GSN: variants seen among roughly 807,000 people sequenced by gnomAD.
The protein encoded by GSN is gelsolin.
A neutral mutation model predicts 85.7 loss-of-function variants in GSN; 56 were observed. The ratio of observed to expected loss-of-function variants is 0.65; its 90% confidence interval spans 0.53 to 0.82. GSN has a LOEUF of 0.82. Ranked by LOEUF, GSN falls within the 40% of genes least tolerant of loss-of-function variation. GSN has a pLI of 0.00. For synonymous variants in GSN, 373 were observed against 399.1 expected, an observed-to-expected ratio of 0.93 and a Z score of 0.78; for missense variants, 857 against 979.8, an observed-to-expected ratio of 0.87 and a Z score of 1.67.
At chr9:121,258,725 GT>G (rs34130574) in intron 6 of GSN, among the ~76,000 whole-genome samples, 5,979 of 147,342 alleles carry the variant, frequency 0.041, 399 homozygotes, top group African/African-American at 0.14. Context: ...TCTATTACAA[GT>G]TTTTTTTTTT....
At chr9:121,295,087 G>A (rs1041851292) in intron 2 of GSN, among the ~76,000 whole-genome samples, 1 of 152,172 alleles carries the variant, frequency 6.6e-6, no homozygotes, top group Non-Finnish European at 1.5e-5. Context: ...CCGAAGGCAG[G>A]CGTCTGTGCA....
At chr9:121,312,673 G>C (rs2061305966) in intron 6 of GSN, 185 bp downstream of exon 6, 1 of 549,462 alleles carries the variant, frequency 1.8e-6, no homozygotes, top group African/African-American at 1.9e-5. Context: ...TGTTGCCTGA[G>C]CTGGAGTGCA....
chr9:121,319,982 T>G (rs1347176762), intron 10 of GSN, among the ~76,000 whole-genome samples: 1 of 152,184 alleles, frequency 6.6e-6, no homozygotes, highest in Non-Finnish European at 1.5e-5. Flanking sequence ...CTAGCATTCA[T>G]TTGTTGCTTC....
chr9:121,294,501 C>G (rs1487836321), intron 2 of GSN, among the ~76,000 whole-genome samples: 1 of 152,184 alleles, frequency 6.6e-6, no homozygotes, highest in African/African-American at 2.4e-5. Flanking sequence ...CCAGGCCCCT[C>G]CAGATGTCCA....
Position 121,332,517 on chromosome 9 carries a change from T to A in GSN, c.2110T>A (p.Ser704Thr), listed in dbSNP as rs1343937772. 6.2e-7 allele frequency: 1 copy of A among 1,614,040 alleles called. No individual in the cohort carries two copies. The highest frequency in any genetic ancestry group is 8.5e-7 in the Non-Finnish European group (1 of 1,179,936). ...GGTGAAGCAAGGCTTTGAGCCTCCC[T>A]CCTTTGTGGGCTGGTTCCTTGGCTG... ...TVVKQGFEPP[S>T]FVGWFLGWDD... The change falls in exon 18 of 18, where the codon TCC becomes ACC. Residue 704 changes from serine to threonine, a missense_variant. By Grantham distance (58) the Ser-to-Thr change is moderately conservative. Transcript: ENST00000432226. This position sits in a 1 kb window ranked among gnomAD's most constrained non-coding sequence, Gnocchi z 4.8.
intron 2 of GSN, chr9:121,282,321 T>G (rs1041279470): frequency 1.8e-6 from 1 of 569,664 alleles, no homozygotes; most frequent in African/African-American, 1.9e-5. Flanking sequence ...GAAGGATCAC[T>G]ACTAGGGGGA....
chr9:121,277,766 C>T (rs1011090569), intron 1 of GSN, among the ~76,000 whole-genome samples: 3 of 152,142 alleles, frequency 2.0e-5, no homozygotes, highest in African/African-American at 7.2e-5. Flanking sequence ...TTGATCAACC[C>T]TTTCACCAGA....
intron 2 of GSN, among the ~76,000 whole-genome samples, chr9:121,286,416 C>G (rs1364160442): frequency 3.3e-5 from 5 of 152,262 alleles, no homozygotes; most frequent in Non-Finnish European, 7.3e-5. Context: ...TATCCACTGT[C>G]TCAACCCCAG....
upstream of GSN, among the ~76,000 whole-genome samples, chr9:121,264,046 G>C (rs2055145934): frequency 6.6e-6 from 1 of 152,080 alleles, no homozygotes; most frequent in Non-Finnish European, 1.5e-5. Context: ...TGAGATTTGG[G>C]TGGGAACACA....
intron 2 of GSN, chr9:121,209,546 G>T (rs542631585): frequency 6.6e-6 from 1 of 152,336 alleles, no homozygotes; most frequent in South Asian, 2.1e-4. Context: ...TTGGATTTCA[G>T]TCCCAGCCTT....
At chr9:121,227,665 A>G (rs1410459266) in intron 4 of GSN, among the ~76,000 whole-genome samples, 1 of 152,204 alleles carries the variant, frequency 6.6e-6, no homozygotes, top group Non-Finnish European at 1.5e-5. Context: ...GACACCTAGC[A>G]GATGTCCCCT....
chr9:121,301,809 G>A, intron 2 of GSN, 154 bp from the exon 3 acceptor site: 1 of 1,170,336 alleles, frequency 8.5e-7, no homozygotes, highest in Admixed American at 2.0e-5. Flanking sequence ...CGTTGAGACA[G>A]GGTGCCCAGA....
intron 6 of GSN, among the ~76,000 whole-genome samples, chr9:121,257,257 A>C (rs1174561938): frequency 1.3e-5 from 2 of 152,236 alleles, no homozygotes; most frequent in Non-Finnish European, 2.9e-5. Context: ...AGTAGCTATA[A>C]TTTATTAAGA....
In GSN at chr9:121,234,399, C is replaced by T. The variant is rs79883709; in HGVS notation, c.-389+3096C>T. On this transcript the variant is annotated intron_variant, in intron 5 of 24. Transcript: ENST00000373823. The stretch of plus-strand genomic sequence containing the variant: ...CATATGGGATGCTGACTCACAGCAC[C>T]GATCCCTTCCGGAGGGGAGCAAGCA... Among the ~76,000 whole-genome samples, 448 of 152,296 alleles carry T rather than the reference C, an allele frequency of 2.9e-3. 2 individuals are homozygous for T. The highest frequency in any genetic ancestry group is 1.0e-2 in the African/African-American group (414 of 41,562).
chr9:121,286,075 A>G (rs557026275), intron 2 of GSN: 507 of 1,527,888 alleles, frequency 3.3e-4, no homozygotes, highest in Non-Finnish European at 4.0e-4. Context: ...CCTGAGTCCT[A>G]TTTATAGGCT....
In GSN at chr9:121,318,558, G is replaced by A. The variant is rs113041951; in HGVS notation, c.975+64G>A. ...TCCTGTTTGGAGGGGATGGGCTGGA[G>A]TAGGGCGGGTGTCCCACCCTCAGTG... On this transcript the variant is annotated intron_variant, in intron 9 of 17. Coordinates refer to ENST00000432226, the MANE Select transcript of GSN (RefSeq NM_198252.3). The surrounding 1 kb of genome is among the most constrained non-coding windows in gnomAD (Gnocchi z 4.3). 1.4e-3 allele frequency: 2,061 copies of A among 1,483,690 alleles called. 35 individuals carry two copies. In the African/African-American group the frequency reaches 0.022, roughly 16 times the overall value. 91.9% of individuals were successfully genotyped at this position (1,483,690 alleles called of 1,614,324 possible). A position where few individuals can be genotyped will look rare whatever the true frequency, so the allele number is the denominator to read the frequency against.
At chr9:121,317,436 A>C in intron 8 of GSN, 1 of 569,058 alleles carries the variant, frequency 1.8e-6, no homozygotes, top group Admixed American at 2.9e-5. Flanking sequence ...ATCTGGGCTA[A>C]AATGGGTGTT....
chr9:121,322,941 C>T (rs1229439665), intron 11 of GSN, among the ~76,000 whole-genome samples: 1 of 151,076 alleles, frequency 6.6e-6, no homozygotes, highest in Non-Finnish European at 1.5e-5. Flanking sequence ...AAGCAATTAT[C>T]GTGCCTCAGC....
intron 3 of GSN, among the ~76,000 whole-genome samples, chr9:121,302,651 C>T (rs2060006092): frequency 6.6e-6 from 1 of 152,124 alleles, no homozygotes; most frequent in Non-Finnish European, 1.5e-5. Flanking sequence ...TGATCTGATG[C>T]TCCCAGTCCT....
Sources: gnomAD v4.1 joint callset for allele counts (sites outside exome capture counted in the v4.1 genomes callset) on GRCh38, gnomAD v4.1.1 for gene constraint, Gnocchi (gnomAD v3.1) non-coding constraint, MANE v1.5 for transcripts, NCBI Gene and HGNC (gene_info 2026-07-23, HGNC 2026-07-21) for gene names.